GDAP1: variants seen among roughly 807,000 people sequenced by gnomAD.
GDAP1 encodes ganglioside-induced differentiation-associated protein 1.
A neutral mutation model predicts 40.1 loss-of-function variants in GDAP1; 34 were observed. The ratio of observed to expected loss-of-function variants is 0.85; its 90% CI spans 0.64 to 1.13. The LOEUF is 1.13. GDAP1 is among the 50% of genes most tolerant of loss of function. The probability of loss-of-function intolerance (pLI) is 0.00; values close to 1 mark genes in which losing one functional copy is unlikely to be tolerated. For synonymous variants in GDAP1, 170 were observed against 157.4 expected (o/e 1.08, Z -0.60); for missense variants, 374 against 433.7 (o/e 0.86, Z 1.22).
chr8:74,399,269 T>C (rs1266299880), intron 2 of GDAP1, among the ~76,000 whole-genome samples: 1 of 150,030 alleles, frequency 6.7e-6, no homozygotes, highest in Non-Finnish European at 1.5e-5. Context: ...CTTCCTGGTT[T>C]AGTCTTGGGA....
intron 2 of GDAP1, among the ~76,000 whole-genome samples, chr8:74,430,004 C>T (rs574485368): frequency 8.5e-4 from 129 of 152,048 alleles, no homozygotes; most frequent in African/African-American, 3.0e-3. Context: ...GGAAGAGCAA[C>T]CACATAGAAA....
chr8:74,384,270 TAACA>T (rs1809994849), intron 2 of GDAP1, among the ~76,000 whole-genome samples: 1 of 152,162 alleles, frequency 6.6e-6, no homozygotes, highest in Non-Finnish European at 1.5e-5. Context: ...AAACTGGCAG[TAACA>T]AACTGTATTA....
chr8:74,380,177 T>C (rs1312638111), intron 2 of GDAP1, among the ~76,000 whole-genome samples: 1 of 145,194 alleles, frequency 6.9e-6, no homozygotes, highest in East Asian at 2.1e-4. Flanking sequence ...ATTTTTCTTC[T>C]TTTACAAAGA....
intron 2 of GDAP1, among the ~76,000 whole-genome samples, chr8:74,389,987 C>T (rs746431201): frequency 7.9e-5 from 12 of 152,194 alleles, no homozygotes; most frequent in East Asian, 7.7e-4. Flanking sequence ...TCAATACTTG[C>T]GTACGCTTCA....
At chr8:74,390,408 T>C (rs972218879) in intron 2 of GDAP1, among the ~76,000 whole-genome samples, 1 of 152,222 alleles carries the variant, frequency 6.6e-6, no homozygotes, top group African/African-American at 2.4e-5. Context: ...TATTCCTTTC[T>C]GTTAGTTTTT....
At chr8:74,461,713 C>T (rs16938910) in intron 2 of GDAP1, among the ~76,000 whole-genome samples, 7,817 of 152,248 alleles carry the variant, frequency 0.051, 642 homozygotes, top group African/African-American at 0.18. Context: ...CAGGGAAGTA[C>T]AATGTGTTTT....
intron 2 of GDAP1, among the ~76,000 whole-genome samples, chr8:74,429,630 TTCTTA>T (rs1253553419): frequency 3.3e-5 from 5 of 152,180 alleles, no homozygotes; most frequent in Non-Finnish European, 5.9e-5. Flanking sequence ...TAATCTTCTC[TTCTTA>T]TAAGGACACC....
chr8:74,443,980 GTCTATCTATCTA>G (rs34362360), intron 2 of GDAP1, among the ~76,000 whole-genome samples: 72 of 147,428 alleles, frequency 4.9e-4, no homozygotes, highest in East Asian at 1.4e-3. Context: ...CTTTCTGTCT[GTCTATCTATCTA>G]TCTATCTATC....
In GDAP1 at chr8:74,363,936, G is replaced by C. The variant is rs758557304; in HGVS notation, c.695-49G>C. 2.6e-6 allele frequency: 4 copies of C among 1,556,854 alleles called. No individual in the cohort carries two copies. In the African/African-American group the frequency reaches 5.4e-5, roughly 21 times the overall value. ...AGACCACTGATACCAGCTGGAGTCT[G>C]TCTGTAGAGTGCTTGCCTCTAATTC... On this transcript the variant is annotated intron_variant, in intron 5 of 5. Transcript: ENST00000220822.
intron 2 of GDAP1, among the ~76,000 whole-genome samples, chr8:74,390,566 G>A (rs886644546): frequency 1.3e-5 from 2 of 152,244 alleles, no homozygotes; most frequent in Middle Eastern, 3.4e-3. Flanking sequence ...TCGTCCCAGA[G>A]GGGCACCCGC....
intron 2 of GDAP1, among the ~76,000 whole-genome samples, chr8:74,422,824 C>A (rs1486856160): frequency 6.6e-6 from 1 of 151,554 alleles, no homozygotes; most frequent in Non-Finnish European, 1.5e-5. Flanking sequence ...TTTCTTCTCA[C>A]TTCTCACTTC....
intron 2 of GDAP1, among the ~76,000 whole-genome samples, chr8:74,443,164 C>G (rs1408347109): frequency 6.6e-6 from 1 of 152,116 alleles, no homozygotes; most frequent in East Asian, 1.9e-4. Flanking sequence ...CCCAGTGAGC[C>G]TGGAGTACTG....
chr8:74,388,972 GTCTGT>G (rs1810067072), intron 2 of GDAP1, among the ~76,000 whole-genome samples: 1 of 152,154 alleles, frequency 6.6e-6, no homozygotes, highest in South Asian at 2.1e-4. Context: ...TTGGTTTAAA[GTCTGT>G]TCTATCAGAG....
At chr8:74,440,680 G>A (rs1385990696) in intron 2 of GDAP1, among the ~76,000 whole-genome samples, 3 of 151,726 alleles carry the variant, frequency 2.0e-5, no homozygotes, top group Non-Finnish European at 4.4e-5. Context: ...TTTTGTAGTG[G>A]GAGTTAATCA....
chr8:74,444,297 A>G (rs1489615187), intron 2 of GDAP1, among the ~76,000 whole-genome samples: 1 of 151,924 alleles, frequency 6.6e-6, no homozygotes, highest in Non-Finnish European at 1.5e-5. Context: ...TACCCAGAAG[A>G]GAAGATACGT....
chr8:74,360,321 A>G lies in GDAP1; in HGVS notation c.484+11A>G. ...CTACAAGGATTCGTAGTATGTAAACATTTTAAAGACCTGGAATTCTGTCTG... is the reference window on the plus strand; with the variant it reads ...CTACAAGGATTCGTAGTATGTAAACGTTTTAAAGACCTGGAATTCTGTCTG... On this transcript the variant is annotated intron_variant, in intron 3 of 5. Coordinates refer to ENST00000220822, the MANE Select transcript of GDAP1 (RefSeq NM_018972.4). 1 of 1,607,380 alleles carries G rather than the reference A, an allele frequency of 6.2e-7. No individual in the cohort carries two copies. Among genetic ancestry groups the G allele is most frequent in the Non-Finnish European group, 8.5e-7 (1 of 1,173,864 alleles).
chr8:74,360,231 C>G lies in GDAP1; in HGVS notation c.405C>G (p.Ala135=). 1 of 1,612,890 alleles carries G rather than the reference C, an allele frequency of 6.2e-7. No individual in the cohort carries two copies. Residue 135 remains alanine, a synonymous_variant, in exon 3 of 6, where the codon GCC becomes GCG. Coordinates refer to ENST00000220822, the MANE Select transcript of GDAP1 (RefSeq NM_018972.4). ...TGCTTGACTCCTTGCCAATGGATGC[C>G]TATACACATGGCTGCATTTTACATC... ...RELLDSLPMD[A]YTHGCILHPE... is the part of the protein sequence containing the mutation.
chr8:74,466,426 GAT>G (rs1370758024), intron 2 of GDAP1, among the ~76,000 whole-genome samples: 2 of 152,214 alleles, frequency 1.3e-5, no homozygotes, highest in East Asian at 3.9e-4. Context: ...GATGTGTGAA[GAT>G]CAGTTAACAG....
At chr8:74,465,837 T>C (rs1163801747) in intron 2 of GDAP1, among the ~76,000 whole-genome samples, 2 of 152,068 alleles carry the variant, frequency 1.3e-5, no homozygotes, top group Admixed American at 6.6e-5. Flanking sequence ...ATCATACTTC[T>C]AGGCCAAAAG....
Sources: gnomAD v4.1 joint callset for allele counts (sites outside exome capture counted in the v4.1 genomes callset) on GRCh38, gnomAD v4.1.1 for gene constraint, MANE v1.5 for transcripts, NCBI Gene and HGNC (gene_info 2026-07-23, HGNC 2026-07-21) for gene names.